BCORL1: variants seen among roughly 807,000 people sequenced by gnomAD.
The protein encoded by BCORL1 is BCL-6 corepressor-like protein 1.
BCORL1 carries 7 observed loss-of-function variants against 87.6 expected under a neutral mutation model. The ratio of observed to expected loss-of-function variants is 0.08; its 90% CI spans 0.05 to 0.15. The LOEUF (loss-of-function observed/expected upper bound fraction) is 0.15. Among genes scored for constraint, BCORL1 ranks in the 10% least tolerant of loss-of-function variants. The pLI, the probability that BCORL1 is intolerant of heterozygous loss-of-function variation, is 1.00. For missense variants in BCORL1, 1,215 were observed against 1,499.7 expected, an observed-to-expected ratio of 0.81 and a Z score of 3.13; for synonymous variants, 591 against 634.4, an observed-to-expected ratio of 0.93 and a Z score of 1.03.
chrX:130,009,369 G>A (rs1447027792), intron 2 of BCORL1, among the ~76,000 whole-genome samples: 5 of 109,917 alleles, frequency 4.5e-5, no homozygotes, highest in African/African-American at 1.7e-4. Flanking sequence ...GGAGGCTCAG[G>A]CGTGAGCCCG....
chrX:130,050,541 T>C (rs6637682), intron 11 of BCORL1, among the ~76,000 whole-genome samples, 176 bp from the exon 12 acceptor site: 1 of 111,325 alleles, frequency 9.0e-6, no homozygotes, highest in South Asian at 3.8e-4. Context: ...CCTGTCCCCT[T>C]GTTGGCAGTC....
chrX:130,050,847 C>T, intron 12 of BCORL1, 53 bp downstream of exon 12: 1 of 1,050,052 alleles, frequency 9.5e-7, no homozygotes, highest in Non-Finnish European at 1.3e-6. Flanking sequence ...CAGGAGTAGC[C>T]CTGTGGTGGT....
intron 2 of BCORL1, among the ~76,000 whole-genome samples, chrX:130,010,991 G>A (rs1454048120): frequency 1.4e-5 from 1 of 69,744 alleles, no homozygotes; most frequent in Non-Finnish European, 2.5e-5. Flanking sequence ...GTGACAGAGC[G>A]AGATTCAATC....
chrX:130,046,005 G>C (rs1262490811), intron 11 of BCORL1, among the ~76,000 whole-genome samples: 2 of 111,446 alleles, frequency 1.8e-5, no homozygotes, highest in African/African-American at 6.5e-5. Context: ...AATTAGGCTG[G>C]TCACATTGGC....
At chrX:130,053,359 G>A (rs1268856210) in intron 13 of BCORL1, among the ~76,000 whole-genome samples, 1 of 109,653 alleles carries the variant, frequency 9.1e-6, no homozygotes, top group Non-Finnish European at 1.9e-5. Context: ...CACTAGTAGG[G>A]ATCAAGTTTC....
intron 8 of BCORL1, among the ~76,000 whole-genome samples, chrX:130,033,395 T>C (rs1459657784): frequency 8.9e-6 from 1 of 112,076 alleles, no homozygotes; most frequent in Non-Finnish European, 1.9e-5. Context: ...TCCTAGTGTT[T>C]TGTGAGCACC....
At chrX:130,004,657 G>A (rs187743517) in intron 1 of BCORL1, among the ~76,000 whole-genome samples, 6 of 112,042 alleles carry the variant, frequency 5.4e-5, no homozygotes, top group African/African-American at 1.3e-4. Context: ...GGTTAGATAC[G>A]TGTGTTATTT....
chrX:130,003,634 G>A (rs186424581), intron 1 of BCORL1, among the ~76,000 whole-genome samples: 11 of 111,476 alleles, frequency 9.9e-5, no homozygotes, highest in African/African-American at 3.6e-4. Context: ...GCCTCCCAAA[G>A]TGCTGGGATT....
rs34598574 is a variant in BCORL1 at position 130,022,236 on chromosome X, C to CTT, written c.3608-633_3608-632dup. ...CTTTGTTTATTTTCTTTCTTTCTTT[C>CTT]TTTTTTTTTTTTTTTTTTTTTTTTT... On this transcript the variant is annotated intron_variant, in intron 5 of 13. Coordinates refer to ENST00000540052, the MANE Select transcript of BCORL1 (RefSeq NM_001379451.1). Among the ~76,000 whole-genome samples the CTT allele has an allele frequency of 2.3e-3, 129 of 56,318 alleles. 7 individuals carry two copies. The highest frequency in any genetic ancestry group is 4.8e-3 in the African/African-American group (64 of 13,293). The allele number at this position is 56,318 out of a possible 115,157, so 48.9% of individuals were successfully genotyped here.
At position 130,015,373 on chromosome X, in the gene BCORL1, G is replaced by A. The variant is rs147051252; in HGVS notation, c.2601G>A (p.Ser867=). Residue 867 remains serine (S), a synonymous_variant, in exon 4 of 14, where the codon TCG becomes TCA. Transcript: ENST00000540052. ...CCATCAGGCCCACCAGCGTTGTTTC[G>A]GAGTTTTCTGGTGTGCCATCTCTCA... The part of the protein sequence containing the change: ...GAPIRPTSVV[S]EFSGVPSLSS... The A allele has an allele frequency of 3.1e-4, 373 of 1,210,721 alleles. No homozygotes were observed. In the African/African-American group the frequency reaches 5.2e-3, roughly 17 times the overall value.
rs189577501 is a variant in BCORL1 at position 130,025,392 on chromosome X, A to C, written c.4078+13A>C. 9.7e-3 allele frequency: 11,032 copies of C among 1,135,087 alleles called. 43 individuals are homozygous for C. Among genetic ancestry groups the C allele is most frequent in the Non-Finnish European group, 0.012 (10,387 of 859,753 alleles). The allele number at this position is 1,135,087 out of a possible 1,213,427, so 93.5% of individuals were successfully genotyped here. On this transcript the variant is annotated intron_variant, in intron 7 of 13. Coordinates refer to ENST00000540052, the MANE Select transcript of BCORL1 (RefSeq NM_001379451.1). ...AAAGGGAGAGCAGGTAAGGCTGGCC[A>C]GGGGCTCTGCTGTCGCCGCGGCCCG...
rs963131346 is a variant in BCORL1, at chrX:130,029,669, T to C, written c.4305+808T>C. On this transcript the variant is annotated intron_variant, in intron 8 of 13. Coordinates refer to ENST00000540052, the MANE Select transcript of BCORL1 (RefSeq NM_001379451.1). ...TTTTTTTCTCTCTCTCTCTCTCTCT[T>C]TTTGAGAGTCACACGCTTTCGCCCA... Among the ~76,000 whole-genome samples the C allele has an allele frequency of 3.7e-5, 4 of 107,767 alleles. No individual in the cohort carries two copies. In the East Asian group the frequency reaches 1.2e-3, roughly 32 times the overall value. 93.6% of individuals were successfully genotyped at this position (107,767 alleles called of 115,157 possible).
In BCORL1 at chrX:130,013,251, A is replaced by G; in HGVS notation, c.479A>G (p.Lys160Arg). 2.5e-6 allele frequency: 3 copies of G among 1,211,993 alleles called. No homozygotes were observed. The highest frequency in any genetic ancestry group is 3.4e-6 in the Non-Finnish European group (3 of 895,495). The change falls in exon 4 of 14, where the codon AAG (lysine) becomes AGG (arginine). Residue 160 changes from lysine (K) to arginine (R), a missense_variant. Around this residue, in one of 5 missense-constraint regions of BCORL1, gnomAD observed 861 missense variants for 1,010.0 expected, o/e 0.85. Coordinates refer to ENST00000540052, the MANE Select transcript of BCORL1 (RefSeq NM_001379451.1). ...GTTGACTGCTCACCCGCCGGAGTAA[A>G]GGCTTTGGACTCTCGGCAAGGTGTT... Reference protein sequence around the residue: ...KQVDCSPAGVKALDSRQGVGE... With the variant: ...KQVDCSPAGVRALDSRQGVGE...
chrX:130,009,855 C>T (rs1928816568), intron 2 of BCORL1, among the ~76,000 whole-genome samples: 1 of 111,493 alleles, frequency 9.0e-6, no homozygotes, highest in Admixed American at 9.5e-5. Flanking sequence ...CCGCCAGCTG[C>T]ACCCTCATAA....
chrX:130,001,174 T>G (rs1369238077), intron 1 of BCORL1, among the ~76,000 whole-genome samples: 1 of 111,461 alleles, frequency 9.0e-6, no homozygotes, highest in Non-Finnish European at 1.9e-5. Flanking sequence ...CACCTCAACC[T>G]CCGCCTCCCA....
chrX:130,033,084 CTT>C (rs1185161642), intron 8 of BCORL1, among the ~76,000 whole-genome samples: 7 of 96,175 alleles, frequency 7.3e-5, no homozygotes, highest in South Asian at 4.6e-4. Flanking sequence ...TTTCTTCTCT[CTT>C]TTTTTTTTTT....
At chrX:129,983,639 T>A (rs1179475924) in intron 1 of BCORL1, among the ~76,000 whole-genome samples, 1 of 99,663 alleles carries the variant, frequency 1.0e-5, no homozygotes, top group African/African-American at 3.8e-5. Flanking sequence ...ATTATCCGAG[T>A]CCCTGGAAAA....
At chrX:130,045,763 A>G (rs1931705489) in intron 11 of BCORL1, among the ~76,000 whole-genome samples, 1 of 110,045 alleles carries the variant, frequency 9.1e-6, no homozygotes, top group African/African-American at 3.3e-5. Context: ...GATTACAGGC[A>G]CACATTACCA....
chrX:130,036,210 A>G (rs778475517), intron 9 of BCORL1, among the ~76,000 whole-genome samples: 10 of 111,047 alleles, frequency 9.0e-5, no homozygotes, highest in Non-Finnish European at 1.7e-4. Flanking sequence ...CATCATCTCA[A>G]TCCAAGGAAG....
Sources: gnomAD v4.1 joint callset for allele counts (sites outside exome capture counted in the v4.1 genomes callset) on GRCh38, gnomAD v4.1.1 for gene constraint, gnomAD v4.1.1 regional missense constraint, MANE v1.5 for transcripts, NCBI Gene and HGNC (gene_info 2026-07-23, HGNC 2026-07-21) for gene names.